The following MAP4K1 variants were observed in gnomAD, a reference collection of about 807,000 sequenced individuals.
MAP4K1 encodes the protein mitogen-activated protein kinase kinase kinase kinase 1, also known as MAPK/ERK kinase kinase kinase 1.
A neutral mutation model predicts 122.8 loss-of-function variants in MAP4K1; 35 were observed. That is an observed-to-expected ratio of 0.29 (90% CI 0.22 to 0.38). The LOEUF is 0.38. Among genes scored for constraint, MAP4K1 ranks in the 10% least tolerant of loss-of-function variants. The pLI, the probability that MAP4K1 is intolerant of heterozygous loss-of-function variation, is 1.00. For missense variants in MAP4K1, 791 were observed against 1,072.6 expected, an observed-to-expected ratio of 0.74 and a Z score of 3.67; for synonymous variants, 412 against 421.3, an observed-to-expected ratio of 0.98 and a Z score of 0.27.
chr19:38,587,735 C>G lies in MAP4K1; in HGVS notation c.*13G>C. The G allele has an allele frequency of 1.9e-6, 3 of 1,609,092 alleles. No individual in the cohort carries two copies. The highest frequency in any genetic ancestry group is 2.6e-6 in the Non-Finnish European group (3 of 1,175,710). On this transcript the variant is annotated 3_prime_UTR_variant, in exon 31 of 31. Coordinates refer to ENST00000396857, the MANE Select transcript of MAP4K1 (RefSeq NM_001042600.3). ...GGGGTGCAAGGACTAGTTCCTGACA[C>G]CCCCCTAGGGACTCATTCCTGGATG...
intron 19 of MAP4K1, among the ~76,000 whole-genome samples, chr19:38,604,908 G>T (rs1975278551): frequency 6.6e-6 from 1 of 151,632 alleles, no homozygotes; most frequent in Admixed American, 6.6e-5. Context: ...CCAACATGGT[G>T]AAACCCCACC....
chr19:38,611,340 C>T (rs769090408), intron 9 of MAP4K1, 35 bp from the exon 10 acceptor site: 12 of 1,482,100 alleles, frequency 8.1e-6, no homozygotes, highest in South Asian at 1.1e-5. Flanking sequence ...GGGTTCAGAC[C>T]CTCAAGGGGG....
intron 8 of MAP4K1, 31 bp downstream of exon 8, chr19:38,613,849 C>T (rs991436737): frequency 3.2e-6 from 5 of 1,563,338 alleles, no homozygotes; most frequent in Non-Finnish European, 4.3e-6. Flanking sequence ...ACCCCCACTC[C>T]ACCCCTAGCT....
intron 9 of MAP4K1, 81 bp from the exon 10 acceptor site, chr19:38,611,386 T>C: frequency 1.1e-6 from 1 of 938,144 alleles, no homozygotes; most frequent in South Asian, 1.3e-5. Context: ...CTAGTAGCAT[T>C]GTGGTCAGCA....
chr19:38,611,349 G>A (rs1599717194), intron 9 of MAP4K1, 44 bp from the exon 10 acceptor site: 3 of 1,367,914 alleles, frequency 2.2e-6, no homozygotes, highest in East Asian at 4.6e-5. Context: ...CCCTCAAGGG[G>A]GCCAGACCTC....
In MAP4K1 at chr19:38,617,422, C is replaced by T; in HGVS notation, c.180G>A (p.Gln60=). The T allele has an allele frequency of 6.2e-7, 1 of 1,613,722 alleles. No individual in the cohort carries two copies. Among genetic ancestry groups the T allele is most frequent in the South Asian group, 1.1e-5 (1 of 91,070 alleles). ...MEPDDDVSTL[Q]KEILILKTCR... Reference sequence around the variant, plus strand: ...AAGTTTTCAATATGAGGATTTCCTTCTGAAGGGTGGAGACATCATCATCTG... The same window carrying T: ...AAGTTTTCAATATGAGGATTTCCTTTTGAAGGGTGGAGACATCATCATCTG... Residue 60 remains glutamine, a synonymous_variant, in exon 3 of 31, where the codon CAG becomes CAA. Coordinates refer to ENST00000396857, the MANE Select transcript of MAP4K1 (RefSeq NM_001042600.3). The surrounding 1 kb of genome is among the most constrained non-coding windows in gnomAD (Gnocchi z 4.1).
At chr19:38,598,747 C>T (rs1460513434) in intron 22 of MAP4K1, among the ~76,000 whole-genome samples, 1 of 152,174 alleles carries the variant, frequency 6.6e-6, no homozygotes, top group Non-Finnish European at 1.5e-5. Flanking sequence ...GGCACGGTGG[C>T]TTACACCTGT....
intron 19 of MAP4K1, among the ~76,000 whole-genome samples, chr19:38,603,617 T>C (rs1439210576): frequency 6.6e-6 from 1 of 152,092 alleles, no homozygotes; most frequent in African/African-American, 2.4e-5. Flanking sequence ...GGAGGATCAC[T>C]TAAGCCCAGG....
intron 9 of MAP4K1, among the ~76,000 whole-genome samples, chr19:38,611,685 C>T (rs1438119881): frequency 1.1e-4 from 17 of 152,112 alleles, no homozygotes; most frequent in Admixed American, 1.1e-3. Context: ...GAGGCTAAGG[C>T]AGGAGGATCA....
At chr19:38,604,322 G>C (rs1025890846) in intron 19 of MAP4K1, among the ~76,000 whole-genome samples, 1 of 151,984 alleles carries the variant, frequency 6.6e-6, no homozygotes, top group Non-Finnish European at 1.5e-5. Context: ...TTTATGAGAG[G>C]TAAAATTTCT....
At position 38,597,337 on chromosome 19, in the gene MAP4K1, G is replaced by A. The variant is rs1974921419; in HGVS notation, c.1826C>T (p.Ala609Val). 1.9e-6 allele frequency: 3 copies of A among 1,613,964 alleles called. No individual in the cohort carries two copies. The highest frequency in any genetic ancestry group is 2.5e-6 in the Non-Finnish European group (3 of 1,180,022). The part of the protein sequence containing the change: ...TKIQDTKGCR[A>V]CCVAEGASSG... ...AAGCTCTCTCTCACCCACACAGCAC[G>A]CCCGGCAGCCTTTGGTGTCCTGGAT... Residue 609 changes from alanine to valine, a missense_variant, in exon 24 of 31, where the codon GCG becomes GTG. Ala to Val is a moderately conservative substitution (Grantham distance 64). Transcript: ENST00000396857. This position sits in a 1 kb window ranked among gnomAD's most constrained non-coding sequence, Gnocchi z 4.6.
chr19:38,610,975 A>G, intron 11 of MAP4K1, 76 bp downstream of exon 11: 1 of 1,312,844 alleles, frequency 7.6e-7, no homozygotes, highest in Non-Finnish European at 1.1e-6. Flanking sequence ...CATGGAACAA[A>G]GTTATCCATG....
chr19:38,609,807 G>A (rs756296233), intron 12 of MAP4K1, 102 bp downstream of exon 12: 354 of 1,319,864 alleles, frequency 2.7e-4, no homozygotes, highest in Non-Finnish European at 3.6e-4. Context: ...CTCCCTCCCT[G>A]TTTTCCCCCT....
At chr19:38,603,072 A>G (rs534499694) in intron 19 of MAP4K1, among the ~76,000 whole-genome samples, 2 of 122,672 alleles carry the variant, frequency 1.6e-5, no homozygotes, top group African/African-American at 6.2e-5. Flanking sequence ...ATACACATAT[A>G]CATATATACA....
In MAP4K1 at chr19:38,614,061, C is replaced by A; in HGVS notation, c.442G>T (p.Ala148Ser). 6.2e-7 allele frequency: 1 copy of A among 1,613,500 alleles called. No homozygotes were observed. The highest frequency in any genetic ancestry group is 8.5e-7 in the Non-Finnish European group (1 of 1,179,900). ...TACTCACCCAATCTGACCTCCCCAG[C>A]ATCATTGATGAGGATGTTAGCTCCC... ...IKGANILIND[A>S]GEVRLADFGI... is the part of the protein sequence containing the mutation. Residue 148 changes from alanine to serine, a missense_variant, in exon 7 of 31, where the codon GCT becomes TCT. Ala to Ser is a moderately conservative substitution (Grantham distance 99, BLOSUM62 1). Around this residue, in one of 4 missense-constraint regions of MAP4K1, gnomAD observed 163 missense variants for 286.1 expected, o/e 0.57. Coordinates refer to ENST00000396857, the MANE Select transcript of MAP4K1 (RefSeq NM_001042600.3).
At chr19:38,600,799 AT>A (rs560496607) in intron 20 of MAP4K1, among the ~76,000 whole-genome samples, 330 of 90,974 alleles carry the variant, frequency 3.6e-3, no homozygotes, top group African/African-American at 6.9e-3. Context: ...CCCTCTACCC[AT>A]TTTTTTTTTT....
rs73933033 is a variant in MAP4K1 at position 38,613,774 on chromosome 19, G to C, written c.533+106C>G. On this transcript the variant is annotated intron_variant, in intron 8 of 30. Coordinates refer to ENST00000396857, the MANE Select transcript of MAP4K1 (RefSeq NM_001042600.3). ...AATGAAAGAATCTTCCAAGGAGAAA[G>C]GACGAGGCAGGGGAACGGAGCCAGG... is the stretch of plus-strand genomic sequence containing the variant. The C allele has an allele frequency of 5.7e-4, 478 of 838,248 alleles. 2 individuals carry two copies. The African/African-American group carries it at 7.1e-3, about 12-fold the overall frequency. 51.9% of individuals were successfully genotyped at this position (838,248 alleles called of 1,614,324 possible).
At chr19:38,613,309 G>GA (rs1207056960) in intron 8 of MAP4K1, among the ~76,000 whole-genome samples, 42 of 43,838 alleles carry the variant, frequency 9.6e-4, no homozygotes, top group Middle Eastern at 0.015. Context: ...TCCGTCTCAA[G>GA]AAAAAAAAAA....
In MAP4K1 at chr19:38,593,355, G is replaced by GT; in HGVS notation, c.2341-19dup. 1 of 1,599,742 alleles carries GT rather than the reference G, an allele frequency of 6.3e-7. No individual in the cohort carries two copies. Among genetic ancestry groups the GT allele is most frequent in the Non-Finnish European group, 8.5e-7 (1 of 1,172,400 alleles). Reference sequence around the variant, plus strand: ...TGTAGCAGCTAGGGAAAAAAAGTGTGTGTCTCAGTGCCTGGAAGATACCTC... The same window carrying GT: ...TGTAGCAGCTAGGGAAAAAAAGTGTGTTGTCTCAGTGCCTGGAAGATACCTC... On this transcript the variant is annotated intron_variant, in intron 29 of 30. Coordinates refer to ENST00000396857, the MANE Select transcript of MAP4K1 (RefSeq NM_001042600.3).
Sources: gnomAD v4.1 joint callset for allele counts (sites outside exome capture counted in the v4.1 genomes callset) on GRCh38, gnomAD v4.1.1 for gene constraint, gnomAD v4.1.1 regional missense constraint, Gnocchi (gnomAD v3.1) non-coding constraint, MANE v1.5 for transcripts, NCBI Gene and HGNC (gene_info 2026-07-23, HGNC 2026-07-21) for gene names.